Variants in RABEP2 observed in about 807,000 individuals in gnomAD.
RABEP2 encodes rabaptin, RAB GTPase binding effector protein 2, also known as rab GTPase-binding effector protein 2.
A neutral mutation model predicts 74.1 loss-of-function variants in RABEP2; 57 were observed. The observed-to-expected ratio is 0.77, with a 90% CI of 0.62 to 0.96. The LOEUF is 0.96. Among genes scored for constraint, RABEP2 ranks in the 40% least tolerant of loss-of-function variants. The pLI is 0.00. For missense variants in RABEP2, 692 were observed against 756.3 expected, an observed-to-expected ratio of 0.91 and a Z score of 1.00; for synonymous variants, 351 against 344.0, an observed-to-expected ratio of 1.02 and a Z score of -0.23.
chr16:28,909,448 C>T (rs987088893), intron 7 of RABEP2, among the ~76,000 whole-genome samples: 1 of 152,122 alleles, frequency 6.6e-6, no homozygotes, highest in Admixed American at 6.6e-5. Flanking sequence ...CGTGGTGCCA[C>T]ACACCTATAA....
At chr16:28,907,081 T>C (rs954056403) in intron 8 of RABEP2, among the ~76,000 whole-genome samples, 3 of 151,002 alleles carry the variant, frequency 2.0e-5, no homozygotes, top group African/African-American at 7.3e-5. Flanking sequence ...AGCCAAGGAA[T>C]GGGGAGGAGG....
At position 28,904,686 on chromosome 16, in the gene RABEP2, GC is replaced by G. The variant is rs1964193776; in HGVS notation, c.*256del. On this transcript the variant is annotated 3_prime_UTR_variant, in exon 13 of 13. Transcript: ENST00000358201. ...CAGGAGGCAGCACAGCAGCCAGAAA[GC>G]CGCAGGCCTGAGCCTGCACCTTTGG... The G allele has an allele frequency of 1.5e-6, 1 of 655,902 alleles. No individual in the cohort carries two copies. Among genetic ancestry groups the G allele is most frequent in the Non-Finnish European group, 2.5e-6 (1 of 405,608 alleles). 40.6% of individuals were successfully genotyped at this position (655,902 alleles called of 1,614,324 possible). A position where few individuals can be genotyped will look rare whatever the true frequency, so the allele number is the denominator to read the frequency against.
chr16:28,908,820 T>TAGGAGGCC, intron 7 of RABEP2, 56 bp from the exon 8 acceptor site: 1 of 1,554,558 alleles, frequency 6.4e-7, no homozygotes, highest in African/African-American at 1.4e-5. Flanking sequence ...CTCCAGTCCC[T>TAGGAGGCC]AGGAGGCCAA....
intron 3 of RABEP2, among the ~76,000 whole-genome samples, chr16:28,919,239 T>C (rs1964435850): frequency 6.6e-6 from 1 of 152,162 alleles, no homozygotes; most frequent in Non-Finnish European, 1.5e-5. Flanking sequence ...CACAGCAGCC[T>C]CTGCCTCCTG....
chr16:28,922,766 C>T (rs1178352943), intron 2 of RABEP2, among the ~76,000 whole-genome samples: 2 of 151,916 alleles, frequency 1.3e-5, no homozygotes, highest in South Asian at 2.1e-4. Context: ...TGGTGGCACA[C>T]GCCTGTAGTC....
chr16:28,905,172 A>G (rs1567494146), intron 12 of RABEP2, 128 bp from the exon 13 acceptor site: 2 of 759,646 alleles, frequency 2.6e-6, no homozygotes, highest in Non-Finnish European at 4.2e-6. Flanking sequence ...GGCTGATGCC[A>G]CAAATGCCCT....
chr16:28,904,540 A>T lies in RABEP2; in HGVS notation c.*403T>A. 1.4e-6 allele frequency: 2 copies of T among 1,438,470 alleles called. No individual in the cohort carries two copies. Among genetic ancestry groups the T allele is most frequent in the South Asian group, 2.4e-5 (2 of 81,678 alleles). The allele number at this position is 1,438,470 out of a possible 1,614,324, so 89.1% of individuals were successfully genotyped here. On this transcript the variant is annotated 3_prime_UTR_variant, in exon 13 of 13. Transcript: ENST00000358201. ...GCGTCTTAGTGTCATGCAGACCAGA[A>T]GGCAGCTGCCTGTCCCAGGGCCGGG...
intron 2 of RABEP2, among the ~76,000 whole-genome samples, chr16:28,920,363 G>GTTATTATTA (rs147158210): frequency 1.4e-3 from 193 of 141,612 alleles, no homozygotes; most frequent in East Asian, 9.6e-3. Flanking sequence ...ATTTTTTTTG[G>GTTATTATTA]TTATTATTAT....
At chr16:28,924,234 C>T in intron 2 of RABEP2, 169 bp downstream of exon 2, 1 of 626,184 alleles carries the variant, frequency 1.6e-6, no homozygotes, top group Non-Finnish European at 2.8e-6. Flanking sequence ...CATGGAGGGC[C>T]TCTATGCAAA....
intron 3 of RABEP2, among the ~76,000 whole-genome samples, chr16:28,916,849 T>C (rs1964402577): frequency 6.6e-6 from 1 of 151,464 alleles, no homozygotes; most frequent in Non-Finnish European, 1.5e-5. Context: ...CTGGATGTGG[T>C]GGTGCGCGCC....
chr16:28,912,802 C>T (rs1326959280), intron 5 of RABEP2, among the ~76,000 whole-genome samples: 2 of 152,130 alleles, frequency 1.3e-5, no homozygotes, highest in Non-Finnish European at 2.9e-5. Context: ...ACGCACAATG[C>T]ACAACAGGCC....
At chr16:28,923,383 C>T (rs995793930) in intron 2 of RABEP2, among the ~76,000 whole-genome samples, 2 of 151,066 alleles carry the variant, frequency 1.3e-5, no homozygotes, top group Admixed American at 6.6e-5. Flanking sequence ...CGTGCTGTGA[C>T]GCACTCCAGC....
At chr16:28,905,111 G>T in intron 12 of RABEP2, 67 bp from the exon 13 acceptor site, 1 of 1,369,172 alleles carries the variant, frequency 7.3e-7, no homozygotes, top group Non-Finnish European at 1.0e-6. Flanking sequence ...CCACCTGCCA[G>T]CCCCCAAGGG....
At chr16:28,917,383 A>T (rs1964408756) in intron 3 of RABEP2, among the ~76,000 whole-genome samples, 1 of 152,148 alleles carries the variant, frequency 6.6e-6, no homozygotes, top group Non-Finnish European at 1.5e-5. Context: ...TTCTTGAATC[A>T]CTTGAAATCT....
chr16:28,916,698 A>T (rs958041469), intron 3 of RABEP2, among the ~76,000 whole-genome samples: 5 of 143,076 alleles, frequency 3.5e-5, no homozygotes, highest in Admixed American at 7.1e-5. Context: ...AAAAAAAAAA[A>T]TTTCTGGCCA....
chr16:28,914,156 G>A, intron 5 of RABEP2, 80 bp downstream of exon 5: 1 of 1,223,348 alleles, frequency 8.2e-7, no homozygotes, highest in Non-Finnish European at 1.1e-6. Flanking sequence ...CTAGTTCTGG[G>A]TCTGAACACA....
At chr16:28,924,988 G>T in intron 1 of RABEP2, 115 bp downstream of exon 1, 1 of 1,195,490 alleles carries the variant, frequency 8.4e-7, no homozygotes, top group Non-Finnish European at 1.2e-6. Flanking sequence ...TTTCCCGACG[G>T]CGTGGCCCCG....
chr16:28,921,268 C>T (rs1964465222), intron 2 of RABEP2: 1 of 455,822 alleles, frequency 2.2e-6, no homozygotes, highest in African/African-American at 2.0e-5. Flanking sequence ...GCTCACAGTC[C>T]AATGAAGAGG....
Position 28,904,982 on chromosome 16 carries a change from C to T in RABEP2, c.1671G>A (p.Glu557=), listed in dbSNP as rs374414382. 31 of 1,612,616 alleles carry T rather than the reference C, an allele frequency of 1.9e-5. No individual in the cohort carries two copies. Among genetic ancestry groups the T allele is most frequent in the Non-Finnish European group, 2.5e-5 (30 of 1,179,758 alleles). The change falls in exon 13 of 13, where the codon GAG becomes GAA. Residue 557 remains glutamate (E), a synonymous_variant. Transcript: ENST00000358201. ...TLEQVRSIMD[E]APLTDVRDIK... Reference sequence around the variant, plus strand: ...TGTCCCTGACGTCCGTGAGTGGCGCCTCATCCATGATGCTGCGCACTTGCT... The same window carrying T: ...TGTCCCTGACGTCCGTGAGTGGCGCTTCATCCATGATGCTGCGCACTTGCT...
Sources: gnomAD v4.1 joint callset for allele counts (sites outside exome capture counted in the v4.1 genomes callset) on GRCh38, gnomAD v4.1.1 for gene constraint, MANE v1.5 for transcripts, NCBI Gene and HGNC (gene_info 2026-07-23, HGNC 2026-07-21) for gene names.